The following NPR3 variants were observed in gnomAD, a reference collection of about 807,000 sequenced individuals.
The protein encoded by NPR3 is atrial natriuretic peptide receptor 3.
Under a neutral mutation model 54.5 loss-of-function variants are expected in NPR3, and 34 were observed. That is an observed-to-expected ratio of 0.62 (90% CI 0.47 to 0.83). The LOEUF is 0.83. NPR3 is among the 40% of genes least tolerant of loss of function. The pLI is 0.00. For synonymous variants in NPR3, 289 were observed against 297.1 expected, an observed-to-expected ratio of 0.97 and a Z score of 0.28; for missense variants, 674 against 720.8, an observed-to-expected ratio of 0.94 and a Z score of 0.74.
chr5:32,773,916 C>T (rs1741899798), intron 3 of NPR3, among the ~76,000 whole-genome samples: 1 of 152,166 alleles, frequency 6.6e-6, no homozygotes, highest in Non-Finnish European at 1.5e-5. Flanking sequence ...GAACAAAGCT[C>T]AAAGAGATGA....
At chr5:32,748,578 T>C (rs1451973004) in intron 3 of NPR3, among the ~76,000 whole-genome samples, 1 of 152,306 alleles carries the variant, frequency 6.6e-6, no homozygotes, top group African/African-American at 2.4e-5. Context: ...GGGAGAAATA[T>C]CCTGGCTTTT....
intron 2 of NPR3, among the ~76,000 whole-genome samples, chr5:32,729,126 T>C (rs538053300): frequency 1.4e-5 from 2 of 143,808 alleles, no homozygotes; most frequent in Non-Finnish European, 3.0e-5. Flanking sequence ...GCCTCCCGGG[T>C]TCACGCCATT....
intron 1 of NPR3, 47 bp downstream of exon 1, chr5:32,712,592 T>G (rs1561075912): frequency 1.3e-6 from 2 of 1,483,236 alleles, no homozygotes; most frequent in Non-Finnish European, 1.8e-6. Context: ...CCAACCGCTC[T>G]CCGCGGCTCT....
At chr5:32,735,008 T>C (rs759741228) in intron 2 of NPR3, among the ~76,000 whole-genome samples, 20 of 152,194 alleles carry the variant, frequency 1.3e-4, no homozygotes, top group Non-Finnish European at 2.4e-4. Context: ...AAAGTGTCTG[T>C]GCTCTGCCCT....
chr5:32,702,206 C>G (rs1037660210), intron 1 of NPR3, among the ~76,000 whole-genome samples: 2 of 152,164 alleles, frequency 1.3e-5, no homozygotes, highest in Non-Finnish European at 2.9e-5. Flanking sequence ...ACCTGGCGCA[C>G]TAGTCTACTG....
At chr5:32,784,652 T>C in intron 6 of NPR3, 144 bp from the exon 7 acceptor site, 1 of 633,330 alleles carries the variant, frequency 1.6e-6, no homozygotes, top group Non-Finnish European at 2.8e-6. Context: ...AAAAAACAAG[T>C]GTAGGGTCCC....
At chr5:32,757,417 A>AT (rs1419072212) in intron 3 of NPR3, among the ~76,000 whole-genome samples, 1 of 152,208 alleles carries the variant, frequency 6.6e-6, no homozygotes, top group Non-Finnish European at 1.5e-5. Flanking sequence ...TTATTGGTGT[A>AT]TAAGAATGCT....
chr5:32,773,091 T>TC (rs1462005009), intron 3 of NPR3, among the ~76,000 whole-genome samples: 1 of 152,182 alleles, frequency 6.6e-6, no homozygotes, highest in Non-Finnish European at 1.5e-5. Flanking sequence ...GTTGCAGCTC[T>TC]CTTCCCACGA....
rs199724662 is a variant in NPR3 at position 32,780,695 on chromosome 5, T to C, written c.1196-27T>C. 195 of 1,032,986 alleles carry C rather than the reference T, an allele frequency of 1.9e-4. 1 individual carries two copies. The East Asian group carries it at 4.6e-3, about 24-fold the overall frequency. 64.0% of individuals were successfully genotyped at this position (1,032,986 alleles called of 1,614,324 possible). A position where few individuals can be genotyped will look rare whatever the true frequency, so the allele number is the denominator to read the frequency against. ...ACAGAGGTATTTTAAGTAACCAACG[T>C]TGAGTTCTTCGCTTCTGGTCCTGTA... On this transcript the variant is annotated intron_variant, in intron 4 of 7. Transcript: ENST00000265074.
At chr5:32,724,316 T>C (rs116400429) in intron 1 of NPR3, among the ~76,000 whole-genome samples, 344 of 152,376 alleles carry the variant, frequency 2.3e-3, no homozygotes, top group African/African-American at 8.1e-3. Flanking sequence ...CTCTTCAGCC[T>C]GTCTTTGTTG....
intron 4 of NPR3, among the ~76,000 whole-genome samples, chr5:32,775,100 C>T (rs1299538953): frequency 6.6e-6 from 1 of 152,210 alleles, no homozygotes; most frequent in African/African-American, 2.4e-5. Context: ...CTTAATATTG[C>T]ATTGAACACA....
chr5:32,708,927 A>G, upstream of NPR3, among the ~76,000 whole-genome samples: 1 of 140,170 alleles, frequency 7.1e-6, no homozygotes, highest in African/African-American at 2.7e-5. Context: ...TTTTTTTTTT[A>G]ATTCGTTCCG....
intron 3 of NPR3, among the ~76,000 whole-genome samples, chr5:32,756,561 T>C (rs1199701413): frequency 7.2e-5 from 11 of 152,296 alleles, no homozygotes; most frequent in Admixed American, 5.9e-4. Flanking sequence ...GTTGCCTGTT[T>C]ACTCTGACGG....
At chr5:32,700,264 T>C (rs1323439617) in intron 1 of NPR3, among the ~76,000 whole-genome samples, 2 of 152,224 alleles carry the variant, frequency 1.3e-5, no homozygotes, top group African/African-American at 4.8e-5. Context: ...TCTCTGTTAT[T>C]ATCCCTTTGA....
intron 3 of NPR3, among the ~76,000 whole-genome samples, chr5:32,758,580 G>GC (rs1362959814): frequency 6.9e-6 from 1 of 144,174 alleles, no homozygotes; most frequent in African/African-American, 2.6e-5. Flanking sequence ...TTTTTTTGAA[G>GC]GGTTTTTTGT....
chr5:32,759,925 A>G (rs937916954), intron 3 of NPR3, among the ~76,000 whole-genome samples: 1 of 152,070 alleles, frequency 6.6e-6, no homozygotes, highest in Non-Finnish European at 1.5e-5. Context: ...AGAATGTTGA[A>G]TATTGGCCCC....
At chr5:32,706,635 T>C (rs936727321), upstream of NPR3, among the ~76,000 whole-genome samples, 7 of 152,252 alleles carry the variant, frequency 4.6e-5, no homozygotes, top group Admixed American at 1.3e-4. Flanking sequence ...CACGACAATA[T>C]TCCTGCTCAT....
intron 3 of NPR3, among the ~76,000 whole-genome samples, chr5:32,752,345 G>A (rs1314567237): frequency 6.6e-6 from 1 of 152,156 alleles, no homozygotes; most frequent in Non-Finnish European, 1.5e-5. Flanking sequence ...ATAAAATCTT[G>A]GCCAGACACT....
chr5:32,734,195 G>C (rs1315179548), intron 2 of NPR3, among the ~76,000 whole-genome samples: 1 of 152,162 alleles, frequency 6.6e-6, no homozygotes, highest in African/African-American at 2.4e-5. Context: ...CGTTTGGAGA[G>C]GGTGGGGGTA....
Sources: gnomAD v4.1 joint callset for allele counts (sites outside exome capture counted in the v4.1 genomes callset) on GRCh38, gnomAD v4.1.1 for gene constraint, MANE v1.5 for transcripts, NCBI Gene and HGNC (gene_info 2026-07-23, HGNC 2026-07-21) for gene names.